SCARA5: variants seen among roughly 807,000 people sequenced by gnomAD.
The protein encoded by SCARA5 is scavenger receptor class A member 5.
A neutral mutation model predicts 46.3 loss-of-function variants in SCARA5; 45 were observed. That is an observed-to-expected ratio of 0.97 (90% CI 0.76 to 1.24). The LOEUF (loss-of-function observed/expected upper bound fraction) is 1.24. Ranked by LOEUF, SCARA5 falls within the 50% of genes most tolerant of loss-of-function variation. SCARA5 has a pLI of 0.00. For missense variants in SCARA5, 680 were observed against 689.0 expected, an observed-to-expected ratio of 0.99 and a Z score of 0.15; for synonymous variants, 333 against 306.5, an observed-to-expected ratio of 1.09 and a Z score of -0.90.
chr8:27,907,281 A>T, intron 5 of SCARA5, 35 bp from the exon 6 acceptor site: 1 of 1,516,618 alleles, frequency 6.6e-7, no homozygotes, highest in Middle Eastern at 1.7e-4. Context: ...AGAGCCTCAG[A>T]TGCAGAACAG....
In SCARA5 at chr8:27,990,012, C is replaced by G. The variant is rs60406001; in HGVS notation, c.-16+2245G>C. ...TAGCCTCTGCTTCCCAGAGGCCACA[C>G]AGAGCCAGACAGGGCGCTGCCCCTG... On this transcript the variant is annotated intron_variant, in intron 1 of 8. Transcript: ENST00000354914. Among the ~76,000 whole-genome samples, 199 of 152,386 alleles carry G rather than the reference C, an allele frequency of 1.3e-3. 2 individuals are homozygous for G. The highest frequency in any genetic ancestry group is 4.7e-3 in the African/African-American group (196 of 41,598).
At chr8:27,928,931 C>T (rs1303751092) in intron 3 of SCARA5, among the ~76,000 whole-genome samples, 3 of 152,094 alleles carry the variant, frequency 2.0e-5, no homozygotes, top group South Asian at 2.1e-4. Flanking sequence ...GGATTACAGG[C>T]GTGAGCCACC....
At chr8:27,940,562 C>T (rs1807926511) in intron 3 of SCARA5, among the ~76,000 whole-genome samples, 1 of 152,098 alleles carries the variant, frequency 6.6e-6, no homozygotes, top group South Asian at 2.1e-4. Context: ...TCTTTTTCTA[C>T]TATATCTACT....
At chr8:27,895,535 G>A (rs780541168) in intron 7 of SCARA5, among the ~76,000 whole-genome samples, 2 of 152,180 alleles carry the variant, frequency 1.3e-5, no homozygotes, top group Non-Finnish European at 2.9e-5. Flanking sequence ...ACTTTTATTA[G>A]CAGTTCTCAT....
chr8:27,964,908 A>T (rs1245237946), intron 3 of SCARA5, among the ~76,000 whole-genome samples: 1 of 152,110 alleles, frequency 6.6e-6, no homozygotes, highest in Non-Finnish European at 1.5e-5. Flanking sequence ...TTGGGCTGGA[A>T]TGCTTTCTGA....
At chr8:27,979,583 G>T (rs1471337725) in intron 2 of SCARA5, among the ~76,000 whole-genome samples, 3 of 148,646 alleles carry the variant, frequency 2.0e-5, no homozygotes, top group Admixed American at 6.7e-5. Flanking sequence ...AGACGGAGTT[G>T]TACTCCGTTG....
chr8:27,975,075 T>A, intron 2 of SCARA5, among the ~76,000 whole-genome samples: 1 of 152,156 alleles, frequency 6.6e-6, no homozygotes, highest in East Asian at 1.9e-4. Flanking sequence ...GAGTTGGGAC[T>A]TTCAGCCTTA....
Position 27,978,087 on chromosome 8 carries a change from C to T in SCARA5, c.112+9417G>A, listed in dbSNP as rs188953113. Among the ~76,000 whole-genome samples the T allele has an allele frequency of 6.1e-4, 85 of 138,326 alleles. 1 individual carries two copies. The East Asian group carries it at 0.017, about 28-fold the overall frequency. The allele number at this position is 138,326 out of a possible 152,430, so 90.7% of individuals were successfully genotyped here. ...TGTCTCCCAGACTGGAGTGCAGTGG[C>T]GCGATCTTGGCTCACTGCAACCTCT... On this transcript the variant is annotated intron_variant, in intron 2 of 8. Coordinates refer to ENST00000354914, the MANE Select transcript of SCARA5 (RefSeq NM_173833.6).
intron 7 of SCARA5, among the ~76,000 whole-genome samples, chr8:27,894,773 C>G (rs1004326568): frequency 1.3e-5 from 2 of 152,168 alleles, no homozygotes; most frequent in Non-Finnish European, 2.9e-5. Flanking sequence ...TCTGCACTCC[C>G]CATGGGAAGC....
At chr8:27,905,524 G>GGCGAGGGGA (rs201408036) in intron 6 of SCARA5, among the ~76,000 whole-genome samples, 1 of 30,960 alleles carries the variant, frequency 3.2e-5, no homozygotes, top group Non-Finnish European at 7.1e-5. Context: ...TCCAAGATTT[G>GGCGAGGGGA]GGGGGGGGAA....
Position 27,871,621 on chromosome 8 carries a change from A to C in SCARA5, c.*313T>G. ...ACCTGTAACTAAAAGGCCAAAGGGA[A>C]CTGGGATATTGAGGCCTGGTGCATG... On this transcript the variant is annotated 3_prime_UTR_variant, in exon 9 of 9. Coordinates refer to ENST00000354914, the MANE Select transcript of SCARA5 (RefSeq NM_173833.6). 1 of 1,231,160 alleles carries C rather than the reference A, an allele frequency of 8.1e-7. No individual in the cohort carries two copies. The highest frequency in any genetic ancestry group is 1.0e-6 in the Non-Finnish European group (1 of 977,544). 76.3% of individuals were successfully genotyped at this position (1,231,160 alleles called of 1,614,324 possible).
intron 8 of SCARA5, among the ~76,000 whole-genome samples, chr8:27,878,851 G>A (rs566939742): frequency 1.3e-5 from 2 of 152,362 alleles, no homozygotes; most frequent in East Asian, 1.9e-4. Context: ...CACTTTGGGA[G>A]GCCAAGGTGG....
chr8:27,946,832 CAT>C (rs1808044962), intron 3 of SCARA5, among the ~76,000 whole-genome samples: 1 of 152,136 alleles, frequency 6.6e-6, no homozygotes, highest in African/African-American at 2.4e-5. Context: ...TGGGCATCTG[CAT>C]TTCAAATAAC....
intron 2 of SCARA5, among the ~76,000 whole-genome samples, chr8:27,974,060 C>T (rs1281793624): frequency 6.6e-6 from 1 of 152,132 alleles, no homozygotes; most frequent in Non-Finnish European, 1.5e-5. Flanking sequence ...CCCTGGCACC[C>T]TGAGCTGAGG....
At position 27,908,044 on chromosome 8, in the gene SCARA5, C is replaced by T. The variant is rs76151126; in HGVS notation, c.998-798G>A. The stretch of plus-strand genomic sequence containing the variant: ...GATTAAGTAACTGCCCAAGGTCACA[C>T]AGCAGTGTTGGAGGCAGGATCTGAG... On this transcript the variant is annotated intron_variant, in intron 5 of 8. Coordinates refer to ENST00000354914, the MANE Select transcript of SCARA5 (RefSeq NM_173833.6). Among the ~76,000 whole-genome samples the T allele has an allele frequency of 9.7e-4, 147 of 151,704 alleles. 1 individual carries two copies. The highest frequency in any genetic ancestry group is 3.4e-3 in the African/African-American group (142 of 41,406).
chr8:27,966,138 C>A (rs1284189047), intron 3 of SCARA5, among the ~76,000 whole-genome samples: 2 of 152,192 alleles, frequency 1.3e-5, no homozygotes, highest in African/African-American at 2.4e-5. Context: ...CAGTGTAATG[C>A]ACAATGCCCC....
chr8:27,956,711 G>A (rs1808212991), intron 3 of SCARA5, among the ~76,000 whole-genome samples: 4 of 152,144 alleles, frequency 2.6e-5, no homozygotes, highest in Non-Finnish European at 5.9e-5. Context: ...TATCTGCTCT[G>A]CCAGTCAGTA....
chr8:27,986,891 T>C (rs76377104), intron 2 of SCARA5, among the ~76,000 whole-genome samples: 1,755 of 152,316 alleles, frequency 0.012, 31 homozygotes, highest in African/African-American at 0.041. Context: ...TTATCAGTCA[T>C]CTACTGGGTG....
At chr8:27,935,640 G>A (rs555220824) in intron 3 of SCARA5, among the ~76,000 whole-genome samples, 1 of 152,164 alleles carries the variant, frequency 6.6e-6, no homozygotes, top group Non-Finnish European at 1.5e-5. Flanking sequence ...GCGGGAGAGG[G>A]CTCAGGATCT....
Sources: allele counts gnomAD v4.1 joint callset (sites outside exome capture counted in the v4.1 genomes callset), GRCh38; gene constraint gnomAD v4.1.1; transcripts MANE v1.5; gene names NCBI Gene and HGNC (gene_info 2026-07-23, HGNC 2026-07-21).